EPHA6: variants seen among roughly 807,000 people sequenced by gnomAD.
EPHA6 encodes the protein EPH receptor A6.
In EPHA6, 50 loss-of-function variants were observed where a neutral mutation model predicts 112.0. That is an observed-to-expected ratio of 0.45 (90% CI 0.36 to 0.56). EPHA6 has a LOEUF of 0.56. EPHA6 is among the 20% of genes least tolerant of loss of function. EPHA6 has a pLI of 0.00. For missense variants in EPHA6, 1,280 were observed against 1,417.4 expected (o/e 0.90, Z 1.56); for synonymous variants, 529 against 490.7 (o/e 1.08, Z -1.03).
At chr3:97,315,958 C>G (rs2081811020) in intron 5 of EPHA6, among the ~76,000 whole-genome samples, 1 of 151,754 alleles carries the variant, frequency 6.6e-6, no homozygotes, top group South Asian at 2.1e-4. Context: ...AGCTATCTTT[C>G]ATTAAAGTCA....
At chr3:97,123,958 A>T (rs985973364) in intron 3 of EPHA6, among the ~76,000 whole-genome samples, 6 of 152,034 alleles carry the variant, frequency 3.9e-5, no homozygotes, top group African/African-American at 1.2e-4. Flanking sequence ...CTGATCCTTG[A>T]TAGCTTCCCA....
intron 10 of EPHA6, among the ~76,000 whole-genome samples, chr3:97,505,631 C>T (rs1440738397): frequency 6.6e-6 from 1 of 152,064 alleles, no homozygotes; most frequent in African/African-American, 2.4e-5. Context: ...CTATTGTGAA[C>T]AGTGCTGCAA....
intron 3 of EPHA6, among the ~76,000 whole-genome samples, chr3:97,148,212 G>A (rs2076089239): frequency 6.6e-6 from 1 of 152,100 alleles, no homozygotes; most frequent in South Asian, 2.1e-4. Flanking sequence ...GCTTATGCAT[G>A]TAATCCCAGC....
chr3:97,388,922 A>G (rs1375688804), intron 5 of EPHA6, among the ~76,000 whole-genome samples: 1 of 152,150 alleles, frequency 6.6e-6, no homozygotes, highest in Non-Finnish European at 1.5e-5. Context: ...TTAGGCCAGG[A>G]AACACCATCA....
At chr3:97,582,275 C>T (rs781481965) in intron 11 of EPHA6, among the ~76,000 whole-genome samples, 1 of 152,140 alleles carries the variant, frequency 6.6e-6, no homozygotes, top group Non-Finnish European at 1.5e-5. Flanking sequence ...GTGATCTGCC[C>T]ACCTCGGCTT....
At chr3:96,907,138 G>A (rs1187113315) in intron 2 of EPHA6, among the ~76,000 whole-genome samples, 1 of 151,600 alleles carries the variant, frequency 6.6e-6, no homozygotes, top group Non-Finnish European at 1.5e-5. Flanking sequence ...TATACAATGG[G>A]CATGTCTTTG....
At chr3:97,096,279 A>C (rs1576480123) in intron 3 of EPHA6, among the ~76,000 whole-genome samples, 1 of 147,112 alleles carries the variant, frequency 6.8e-6, no homozygotes, top group Admixed American at 6.7e-5. Context: ...ACACACCCAC[A>C]CACACACACA....
intron 11 of EPHA6, among the ~76,000 whole-genome samples, chr3:97,570,516 G>A (rs1415934691): frequency 6.6e-6 from 1 of 152,170 alleles, no homozygotes; most frequent in Non-Finnish European, 1.5e-5. Context: ...TGGATCACGA[G>A]GTCGGGAGTT....
intron 8 of EPHA6, among the ~76,000 whole-genome samples, chr3:97,475,973 T>C (rs1452539761): frequency 2.0e-5 from 3 of 152,062 alleles, no homozygotes; most frequent in Non-Finnish European, 2.9e-5. Flanking sequence ...AGACCTAAAT[T>C]TGAATCCTGA....
At chr3:96,899,770 A>G (rs528266688) in intron 2 of EPHA6, among the ~76,000 whole-genome samples, 1 of 152,300 alleles carries the variant, frequency 6.6e-6, no homozygotes, top group East Asian at 1.9e-4. Context: ...TGCTGTCTTT[A>G]GTGAAATCTG....
chr3:96,959,041 G>A (rs2041866654), intron 2 of EPHA6, among the ~76,000 whole-genome samples: 1 of 152,096 alleles, frequency 6.6e-6, no homozygotes, highest in Admixed American at 6.5e-5. Flanking sequence ...ATGGAATGCT[G>A]GGTCATTTGG....
chr3:97,706,734 G>A (rs1559616737), intron 14 of EPHA6, among the ~76,000 whole-genome samples: 1 of 150,226 alleles, frequency 6.7e-6, no homozygotes, highest in Non-Finnish European at 1.5e-5. Context: ...TATTCTGAAG[G>A]TTTTTGCCTC....
intron 15 of EPHA6, among the ~76,000 whole-genome samples, chr3:97,720,886 CT>C (rs1239768392): frequency 6.6e-6 from 1 of 152,116 alleles, no homozygotes; most frequent in African/African-American, 2.4e-5. Context: ...TGCATGACCC[CT>C]AATGCAAACT....
At chr3:96,843,649 G>C (rs930792055) in intron 1 of EPHA6, among the ~76,000 whole-genome samples, 1 of 151,976 alleles carries the variant, frequency 6.6e-6, no homozygotes, top group African/African-American at 2.4e-5. Flanking sequence ...AGAATAAAAG[G>C]ATCGTGTTGG....
chr3:97,500,007 C>T (rs2092076603), intron 10 of EPHA6, among the ~76,000 whole-genome samples: 1 of 152,050 alleles, frequency 6.6e-6, no homozygotes, highest in Non-Finnish European at 1.5e-5. Flanking sequence ...CAGAATAAAG[C>T]ACGAACACAT....
intron 7 of EPHA6, among the ~76,000 whole-genome samples, chr3:97,458,098 C>T (rs1269044295): frequency 7.4e-6 from 1 of 134,752 alleles, no homozygotes; most frequent in Non-Finnish European, 1.6e-5. Context: ...AAAAAAGCAG[C>T]TTAAGTATTC....
At chr3:97,478,981 T>C (rs150135351) in intron 8 of EPHA6, among the ~76,000 whole-genome samples, 26 of 152,288 alleles carry the variant, frequency 1.7e-4, no homozygotes, top group African/African-American at 6.0e-4. Context: ...AATGCTTTTT[T>C]TATTTTGACT....
chr3:96,958,234 G>C (rs1435525476), intron 2 of EPHA6, among the ~76,000 whole-genome samples: 2 of 151,356 alleles, frequency 1.3e-5, no homozygotes, highest in Non-Finnish European at 2.9e-5. Flanking sequence ...AGGTTGCAGT[G>C]AGCCGGTACC....
chr3:97,339,966 C>T (rs1244490783), intron 5 of EPHA6, among the ~76,000 whole-genome samples: 1 of 152,188 alleles, frequency 6.6e-6, no homozygotes, highest in African/African-American at 2.4e-5. Context: ...AAAAAAAAGT[C>T]ACAAGCTGGG....
Sources: gnomAD v4.1 joint callset for allele counts (sites outside exome capture counted in the v4.1 genomes callset) on GRCh38, gnomAD v4.1.1 for gene constraint, MANE v1.5 for transcripts, NCBI Gene and HGNC (gene_info 2026-07-23, HGNC 2026-07-21) for gene names.